The following ESYT2 variants were observed in gnomAD, a reference collection of about 807,000 sequenced individuals.
ESYT2 encodes the protein extended synaptotagmin 2.
A neutral mutation model predicts 107.2 loss-of-function variants in ESYT2; 54 were observed. That is an observed-to-expected ratio of 0.50 (90% CI 0.40 to 0.63). The LOEUF is 0.63. ESYT2 is among the 30% of genes least tolerant of loss of function. The probability of loss-of-function intolerance (pLI) is 0.00; values close to 1 mark genes in which losing one functional copy is unlikely to be tolerated. For missense variants in ESYT2, 1,020 were observed against 1,094.5 expected, an observed-to-expected ratio of 0.93 and a Z score of 0.96; for synonymous variants, 491 against 434.1, an observed-to-expected ratio of 1.13 and a Z score of -1.63.
intron 7 of ESYT2, among the ~76,000 whole-genome samples, chr7:158,768,477 C>T (rs1392344983): frequency 2.6e-5 from 4 of 152,178 alleles, no homozygotes; most frequent in Non-Finnish European, 4.4e-5. Flanking sequence ...TGGAGTACAA[C>T]AGCATGATCT....
intron 21 of ESYT2, 78 bp downstream of exon 21, chr7:158,735,425 G>T: frequency 8.2e-7 from 1 of 1,222,802 alleles, no homozygotes; most frequent in Non-Finnish European, 1.2e-6. Flanking sequence ...ACACAGACAT[G>T]GTCTAAACAC....
At chr7:158,797,208 G>A (rs530845653) in intron 3 of ESYT2, among the ~76,000 whole-genome samples, 2 of 152,312 alleles carry the variant, frequency 1.3e-5, no homozygotes, top group South Asian at 4.1e-4. Context: ...ATGCCGTAGT[G>A]TGATCATGGC....
At chr7:158,773,282 T>C in intron 7 of ESYT2, 59 bp downstream of exon 7, 2 of 1,586,956 alleles carry the variant, frequency 1.3e-6, no homozygotes, top group South Asian at 1.1e-5. Context: ...TGTCAAGACA[T>C]CCAAAATGCA....
chr7:158,798,476 A>C (rs1839535953), intron 2 of ESYT2, among the ~76,000 whole-genome samples: 2 of 151,616 alleles, frequency 1.3e-5, no homozygotes, highest in Middle Eastern at 3.2e-3. Context: ...GAGAAACTCC[A>C]TCTCTACTAA....
intron 1 of ESYT2, among the ~76,000 whole-genome samples, chr7:158,803,461 T>A (rs1220568754): frequency 1.3e-5 from 2 of 152,194 alleles, no homozygotes; most frequent in Admixed American, 6.5e-5. Flanking sequence ...CAACACACCC[T>A]TACTTGGAAG....
At chr7:158,735,444 A>G in intron 21 of ESYT2, 59 bp downstream of exon 21, 1 of 1,389,982 alleles carries the variant, frequency 7.2e-7, no homozygotes, top group Non-Finnish European at 1.0e-6. Context: ...ACTGCACTGC[A>G]GGTAAATGTT....
intron 14 of ESYT2, among the ~76,000 whole-genome samples, chr7:158,750,797 T>C (rs1351109831): frequency 1.3e-5 from 2 of 152,236 alleles, no homozygotes; most frequent in African/African-American, 2.4e-5. Context: ...ACAGATTTTG[T>C]TGGCTAACCT....
At chr7:158,779,262 G>A (rs1838685861) in intron 6 of ESYT2, among the ~76,000 whole-genome samples, 1 of 152,156 alleles carries the variant, frequency 6.6e-6, no homozygotes, top group African/African-American at 2.4e-5. Flanking sequence ...AAGCAAGAGA[G>A]CCAGGTGTAG....
At position 158,741,617 on chromosome 7, in the gene ESYT2, TGTGGCCTGGG is replaced by T; in HGVS notation, c.2064_2073del (p.Pro689SerfsTer27). The T allele has an allele frequency of 6.2e-7, 1 of 1,613,010 alleles. No individual in the cohort carries two copies. The highest frequency in any genetic ancestry group is 1.7e-5 in the Admixed American group (1 of 59,996). ...CTGGGGGTCGGCTCCTTGACTGAGA[TGTGGCCTGGG>T]GAGGCCAGGAGGCTGGAGGAGCTTC... is the stretch of plus-strand genomic sequence containing the variant. On this transcript the variant is annotated frameshift_variant, in exon 18 of 23. Transcript: ENST00000275418.
In ESYT2 at chr7:158,829,490, C is replaced by A. The variant is rs2129474600; in HGVS notation, c.-72G>T. ...CTCGCGCTGATCCCGGGCGGCTCAG[C>A]CCCGCGCCAGCGCCCCTCTGAGGGG... On this transcript the variant is annotated 5_prime_UTR_variant, in exon 1 of 23. Coordinates refer to ENST00000275418, the MANE Select transcript of ESYT2 (RefSeq NM_001367773.1). The A allele has an allele frequency of 8.1e-7, 1 of 1,234,910 alleles. No homozygotes were observed. The highest frequency in any genetic ancestry group is 3.2e-5 in the South Asian group (1 of 31,238). The allele number at this position is 1,234,910 out of a possible 1,614,324, so 76.5% of individuals were successfully genotyped here.
intron 7 of ESYT2, 64 bp from the exon 8 acceptor site, chr7:158,767,838 T>G (rs1838216345): frequency 1.9e-6 from 3 of 1,554,610 alleles, no homozygotes; most frequent in Non-Finnish European, 2.6e-6. Context: ...CTCTCACCTT[T>G]GACAACAGAC....
chr7:158,795,608 C>T (rs1014347028), intron 3 of ESYT2, among the ~76,000 whole-genome samples: 2 of 152,036 alleles, frequency 1.3e-5, no homozygotes, highest in African/African-American at 4.8e-5. Flanking sequence ...AGCATGCAGC[C>T]CCTGCGGCCA....
intron 1 of ESYT2, among the ~76,000 whole-genome samples, chr7:158,828,510 C>T (rs929459744): frequency 1.8e-4 from 27 of 152,352 alleles, no homozygotes; most frequent in African/African-American, 6.5e-4. Flanking sequence ...TCGGGGTCTG[C>T]AGGCCGGGGG....
At position 158,772,761 on chromosome 7, in the gene ESYT2, C is replaced by A. The variant is rs573032459; in HGVS notation, c.803+580G>T. On this transcript the variant is annotated intron_variant, in intron 7 of 22. Coordinates refer to ENST00000275418, the MANE Select transcript of ESYT2 (RefSeq NM_001367773.1). ...TCCTGTTTTAGACACTAGATCACTA[C>A]GGAATAATGAAGGGACTCCCAGTGA... Among the ~76,000 whole-genome samples, 11 of 152,066 alleles carry A rather than the reference C, an allele frequency of 7.2e-5. No individual in the cohort carries two copies. The South Asian group carries it at 1.9e-3, about 26-fold the overall frequency.
At chr7:158,802,881 T>A (rs1282061612) in intron 1 of ESYT2, among the ~76,000 whole-genome samples, 1 of 152,268 alleles carries the variant, frequency 6.6e-6, no homozygotes, top group East Asian at 1.9e-4. Flanking sequence ...CATGAAATCA[T>A]GAACTTGCCA....
chr7:158,795,238 A>C (rs1046896494), intron 3 of ESYT2, among the ~76,000 whole-genome samples: 17 of 152,296 alleles, frequency 1.1e-4, no homozygotes, highest in African/African-American at 3.4e-4. Context: ...TGGGTTTGAC[A>C]CTTGTAAGAC....
At chr7:158,807,254 GAAAAAA>G (rs372309924) in intron 1 of ESYT2, among the ~76,000 whole-genome samples, 35 of 117,236 alleles carry the variant, frequency 3.0e-4, no homozygotes, top group African/African-American at 8.9e-4. Context: ...CCGTCTGAAG[GAAAAAA>G]AAAAAAAAAA....
Position 158,829,283 on chromosome 7 carries a change from G to A in ESYT2, c.136C>T (p.Leu46=), listed in dbSNP as rs745419657. ...CCCAGCGCGTACACGGGCAGCAGCA[G>A]CGCGAAGCTCCGCGCCAGCTGCGCC... ...LLAQLARSFA[L]LLPVYALGYL... is the part of the protein sequence containing the mutation. The change falls in exon 1 of 23, where the codon CTG becomes TTG. Residue 46 remains leucine (L), a synonymous_variant. Coordinates refer to ENST00000275418, the MANE Select transcript of ESYT2 (RefSeq NM_001367773.1). 18 of 1,515,838 alleles carry A rather than the reference G, an allele frequency of 1.2e-5. No homozygotes were observed. The African/African-American group carries it at 2.3e-4, about 19-fold the overall frequency. 93.9% of individuals were successfully genotyped at this position (1,515,838 alleles called of 1,614,324 possible).
At chr7:158,756,846 T>C (rs1300219480) in intron 13 of ESYT2, among the ~76,000 whole-genome samples, 2 of 147,408 alleles carry the variant, frequency 1.4e-5, no homozygotes, top group East Asian at 2.0e-4. Flanking sequence ...GAGGTGGAGG[T>C]TGCAGTGAGC....
Sources: gnomAD v4.1 joint callset for allele counts (sites outside exome capture counted in the v4.1 genomes callset) on GRCh38, gnomAD v4.1.1 for gene constraint, MANE v1.5 for transcripts, NCBI Gene and HGNC (gene_info 2026-07-23, HGNC 2026-07-21) for gene names.